Variants in VPS53 observed in about 807,000 individuals in gnomAD.
VPS53 encodes the protein VPS53 subunit of GARP complex.
VPS53 carries 70 observed loss-of-function variants against 107.0 expected under a neutral mutation model. That is an observed-to-expected ratio of 0.65 (90% CI 0.54 to 0.80). The LOEUF is 0.80. Ranked by LOEUF, VPS53 falls within the 30% of genes least tolerant of loss-of-function variation. VPS53 has a pLI of 0.00. For missense variants in VPS53, 917 were observed against 1,049.4 expected (o/e 0.87, Z 1.74); for synonymous variants, 409 against 393.3 (o/e 1.04, Z -0.47).
At chr17:537,373 C>T (rs753286061) in intron 17 of VPS53, 197 bp from the exon 18 acceptor site, 2 of 611,716 alleles carry the variant, frequency 3.3e-6, no homozygotes, top group Non-Finnish European at 5.6e-6. Context: ...GCCCAGCGGA[C>T]CCGACAGTGA....
intron 12 of VPS53, among the ~76,000 whole-genome samples, chr17:596,662 GC>G (rs1440026012): frequency 3.3e-5 from 5 of 152,160 alleles, no homozygotes; most frequent in Non-Finnish European, 7.4e-5. Flanking sequence ...TTCCTGCAGG[GC>G]TGCCTCCTGC....
At chr17:635,425 CT>C (rs1413439173) in intron 7 of VPS53, among the ~76,000 whole-genome samples, 1 of 152,166 alleles carries the variant, frequency 6.6e-6, no homozygotes, top group Non-Finnish European at 1.5e-5. Flanking sequence ...TCAATTTTGG[CT>C]TTTGTTGCCA....
chr17:612,569 C>T (rs1483559909), intron 11 of VPS53, among the ~76,000 whole-genome samples: 3 of 146,546 alleles, frequency 2.0e-5, no homozygotes, highest in Non-Finnish European at 3.0e-5. Context: ...TGTACAGATA[C>T]TCACAGCAGT....
At chr17:566,009 C>T (rs953954711) in intron 13 of VPS53, among the ~76,000 whole-genome samples, 1 of 151,832 alleles carries the variant, frequency 6.6e-6, no homozygotes, top group East Asian at 1.9e-4. Context: ...CGAGACCATC[C>T]CGGCTAAAAC....
At chr17:637,449 G>A (rs980335899) in intron 7 of VPS53, among the ~76,000 whole-genome samples, 1 of 152,036 alleles carries the variant, frequency 6.6e-6, no homozygotes, top group Non-Finnish European at 1.5e-5. Context: ...GTTATTTCTT[G>A]ACTTCTGCGA....
At chr17:655,214 C>CT (rs1971137369) in intron 6 of VPS53, among the ~76,000 whole-genome samples, 1 of 152,098 alleles carries the variant, frequency 6.6e-6, no homozygotes, top group African/African-American at 2.4e-5. Flanking sequence ...GTAAAGGAGG[C>CT]TTTAGATTGC....
intron 12 of VPS53, among the ~76,000 whole-genome samples, chr17:594,354 A>G (rs1967840795): frequency 6.6e-6 from 1 of 152,242 alleles, no homozygotes; most frequent in Admixed American, 6.5e-5. Context: ...CATTGTCAAC[A>G]CCGCATGGGC....
At chr17:636,207 GCT>G (rs1414883284) in intron 7 of VPS53, among the ~76,000 whole-genome samples, 1 of 152,086 alleles carries the variant, frequency 6.6e-6, no homozygotes, top group Non-Finnish European at 1.5e-5. Flanking sequence ...TCATGATTTG[GCT>G]CTCTGTTTGT....
Position 648,849 on chromosome 17 carries a change from C to T in VPS53, c.608+4442G>A, listed in dbSNP as rs373539068. Among the ~76,000 whole-genome samples the T allele has an allele frequency of 1.3e-4, 16 of 120,912 alleles. No individual in the cohort carries two copies. The East Asian group carries it at 4.0e-3, about 30-fold the overall frequency. The allele number at this position is 120,912 out of a possible 152,430, so 79.3% of individuals were successfully genotyped here. A position where few individuals can be genotyped will look rare whatever the true frequency, so the allele number is the denominator to read the frequency against. On this transcript the variant is annotated intron_variant, in intron 7 of 21. Transcript: ENST00000437048. ...CTGGAGGACAGAGGAATGGTACAGG[C>T]ACTGAAGATCTTACACTGGAGGACA...
intron 4 of VPS53, among the ~76,000 whole-genome samples, chr17:686,256 G>A (rs1972581730): frequency 6.6e-6 from 1 of 151,906 alleles, no homozygotes; most frequent in East Asian, 1.9e-4. Context: ...GGAGTTCAAG[G>A]CTAGAGTGAG....
chr17:602,537 T>C (rs1235226793), intron 11 of VPS53, among the ~76,000 whole-genome samples: 2 of 152,246 alleles, frequency 1.3e-5, no homozygotes, highest in African/African-American at 4.8e-5. Flanking sequence ...CTTCCAAATA[T>C]GACCACTATT....
intron 11 of VPS53, among the ~76,000 whole-genome samples, chr17:615,776 C>T (rs1425367688): frequency 6.6e-6 from 1 of 152,132 alleles, no homozygotes; most frequent in Non-Finnish European, 1.5e-5. Context: ...GGGAAGGGGT[C>T]AGGGGCCAGG....
intron 7 of VPS53, among the ~76,000 whole-genome samples, chr17:641,204 C>T (rs60219334): frequency 0.099 from 15,059 of 152,206 alleles, 831 homozygotes; most frequent in East Asian, 0.21. Flanking sequence ...CAGATGAAAG[C>T]AACTATTCCC....
chr17:509,981 C>T lies in VPS53; in HGVS notation c.*9147G>A, dbSNP rs113684487. ...TATCAAATCCTGGCTCGCCCCTCAC[C>T]AGTCACATATCAAATCCTGGCTCGC... is the stretch of plus-strand genomic sequence containing the variant. On this transcript the variant is annotated 3_prime_UTR_variant, in exon 22 of 22. Transcript: ENST00000437048. The T allele has an allele frequency of 0.013, 4 of 314 alleles. No homozygotes were observed. Among genetic ancestry groups the T allele is most frequent in the Middle Eastern group, 0.5 (1 of 2 alleles). 0.0% of individuals were successfully genotyped at this position (314 alleles called of 1,614,324 possible). A position where few individuals can be genotyped will look rare whatever the true frequency, so the allele number is the denominator to read the frequency against.
Position 570,202 on chromosome 17 carries a change from A to T in VPS53, c.1314-7457T>A, listed in dbSNP as rs375270389. 9.9e-5 allele frequency among the ~76,000 whole-genome samples: 15 copies of T among 151,846 alleles called. No individual in the cohort carries two copies. The East Asian group carries it at 1.8e-3, about 18-fold the overall frequency. Reference sequence around the variant, plus strand: ...ACCAACATGGCAAAACCCTGTCTCTACTAAAAAAAAGACAAAAATTAGCTG... The same window carrying T: ...ACCAACATGGCAAAACCCTGTCTCTTCTAAAAAAAAGACAAAAATTAGCTG... On this transcript the variant is annotated intron_variant, in intron 13 of 21. Coordinates refer to ENST00000437048, the MANE Select transcript of VPS53 (RefSeq NM_001128159.3).
At chr17:706,432 G>A (rs1180193222) in intron 2 of VPS53, among the ~76,000 whole-genome samples, 4 of 151,644 alleles carry the variant, frequency 2.6e-5, no homozygotes, top group African/African-American at 9.7e-5. Flanking sequence ...AGCTACTCAG[G>A]AGGCTGAGGC....
Position 573,519 on chromosome 17 carries a change from G to A in VPS53, c.1314-10774C>T, listed in dbSNP as rs545520862. 9.2e-5 allele frequency among the ~76,000 whole-genome samples: 14 copies of A among 152,266 alleles called. No homozygotes were observed. The East Asian group carries it at 2.1e-3, about 23-fold the overall frequency. On this transcript the variant is annotated intron_variant, in intron 13 of 21. Transcript: ENST00000437048. ...GGTGGACCCCATGCCAGGCTCAAGA[G>A]AAATCTGGCCACACTGACAAGGCCA...
rs1440667468 is a variant in VPS53, at chr17:519,359, C to T, written c.2329-61G>A. ...CTGGGCCAGAATGGCCCACGGGGGACAGCGCAGTATCTGGATATGGGGTCA... is the reference window on the plus strand; with the variant it reads ...CTGGGCCAGAATGGCCCACGGGGGATAGCGCAGTATCTGGATATGGGGTCA... On this transcript the variant is annotated intron_variant, in intron 21 of 21. Transcript: ENST00000437048. This position sits in a 1 kb window ranked among gnomAD's most constrained non-coding sequence, Gnocchi z 5.0. 6.3e-6 allele frequency: 9 copies of T among 1,424,530 alleles called. No homozygotes were observed. The highest frequency in any genetic ancestry group is 6.1e-5 in the Admixed American group (2 of 32,738). 88.2% of individuals were successfully genotyped at this position (1,424,530 alleles called of 1,614,324 possible).
intron 2 of VPS53, among the ~76,000 whole-genome samples, chr17:699,740 C>T (rs1973124479): frequency 6.6e-6 from 1 of 152,146 alleles, no homozygotes; most frequent in South Asian, 2.1e-4. Flanking sequence ...GTCTGCTGAC[C>T]CATGGTGTAC....
Sources: allele counts gnomAD v4.1 joint callset (sites outside exome capture counted in the v4.1 genomes callset), GRCh38; gene constraint gnomAD v4.1.1; non-coding constraint Gnocchi (gnomAD v3.1); transcripts MANE v1.5; gene names NCBI Gene and HGNC (gene_info 2026-07-23, HGNC 2026-07-21).